ALDH1A1: variants seen among roughly 807,000 people sequenced by gnomAD.
ALDH1A1 encodes aldehyde dehydrogenase 1A1.
In ALDH1A1, 19 loss-of-function variants were observed where a neutral mutation model predicts 62.1. The ratio of observed to expected loss-of-function variants is 0.31; its 90% confidence interval spans 0.21 to 0.45. ALDH1A1 has a LOEUF of 0.45. Ranked by LOEUF, ALDH1A1 falls within the 20% of genes least tolerant of loss-of-function variation. ALDH1A1 has a pLI of 1.00. For missense variants in ALDH1A1, 521 were observed against 607.1 expected (o/e 0.86, Z 1.49); for synonymous variants, 231 against 215.9 (o/e 1.07, Z -0.61).
rs776954405 is a variant in ALDH1A1, at chr9:72,905,949, T to A, written c.1433+9A>T. Reference sequence around the variant, plus strand: ...ATAAATATTTATCTTAATAGAACGTTAATCTTACAGTTCTCTTCCATTTCC... The same window carrying A: ...ATAAATATTTATCTTAATAGAACGTAAATCTTACAGTTCTCTTCCATTTCC... On this transcript the variant is annotated intron_variant, in intron 12 of 12. Coordinates refer to ENST00000297785, the MANE Select transcript of ALDH1A1 (RefSeq NM_000689.5). 6.3e-7 allele frequency: 1 copy of A among 1,593,244 alleles called. No individual in the cohort carries two copies. Among genetic ancestry groups the A allele is most frequent in the Admixed American group, 1.7e-5 (1 of 59,292 alleles).
chr9:72,952,303 C>T (rs978550421), intron 1 of ALDH1A1, among the ~76,000 whole-genome samples: 4 of 151,976 alleles, frequency 2.6e-5, no homozygotes, highest in African/African-American at 7.2e-5. Flanking sequence ...AAGTCTGGAT[C>T]TAGCTCCTGC....
Position 72,930,894 on chromosome 9 carries a change from A to T in ALDH1A1, c.297T>A (p.Asp99Glu). Residue 99 changes from aspartate (D) to glutamate (E), a missense_variant, in exon 3 of 13, where the codon GAT (aspartate) becomes GAA (glutamate). Transcript: ENST00000297785. ...TAATACTCACCGCCAGCAGCAGACG[A>T]TCTCTTTCGATTAAATCAGCCAACT... is the stretch of plus-strand genomic sequence containing the variant. The part of the protein sequence containing the change: ...LYKLADLIER[D>E]RLLLATMESM... 1 of 1,613,998 alleles carries T rather than the reference A, an allele frequency of 6.2e-7. No individual in the cohort carries two copies. Among genetic ancestry groups the T allele is most frequent in the Non-Finnish European group, 8.5e-7 (1 of 1,179,942 alleles).
At chr9:72,908,552 GAAGAAAGAAAGAAAGAA>G (rs1829919869) in intron 11 of ALDH1A1, among the ~76,000 whole-genome samples, 1 of 91,850 alleles carries the variant, frequency 1.1e-5, no homozygotes, top group Non-Finnish European at 2.0e-5. Context: ...AGAAAAGAAA[GAAGAAAGAAAGAAAGAA>G]AGAAAGAAAG....
intron 1 of ALDH1A1, among the ~76,000 whole-genome samples, chr9:72,948,554 T>A (rs926529958): frequency 6.6e-6 from 1 of 151,948 alleles, no homozygotes; most frequent in East Asian, 1.9e-4. Flanking sequence ...TCTTCCCTAC[T>A]CTTGGCCACC....
intron 1 of ALDH1A1, among the ~76,000 whole-genome samples, chr9:72,948,325 T>A (rs1056006801): frequency 6.6e-6 from 1 of 151,966 alleles, no homozygotes; most frequent in Non-Finnish European, 1.5e-5. Flanking sequence ...CAATCAGCTT[T>A]GCGTTGAACA....
chr9:72,934,670 A>G (rs1196262250), intron 2 of ALDH1A1, among the ~76,000 whole-genome samples: 1 of 152,172 alleles, frequency 6.6e-6, no homozygotes, highest in Non-Finnish European at 1.5e-5. Context: ...CAATCTACCT[A>G]AAACCTTGCC....
chr9:72,950,460 GC>G (rs1830531015), intron 1 of ALDH1A1, among the ~76,000 whole-genome samples: 1 of 151,746 alleles, frequency 6.6e-6, no homozygotes, highest in African/African-American at 2.4e-5. Flanking sequence ...AATTCCAAAA[GC>G]TTTTGTATAA....
chr9:72,920,857 A>T (rs1588136043), intron 7 of ALDH1A1, among the ~76,000 whole-genome samples: 1 of 152,244 alleles, frequency 6.6e-6, no homozygotes, highest in African/African-American at 2.4e-5. Flanking sequence ...GTATTCCATG[A>T]TACTGTGGCA....
intron 2 of ALDH1A1, 41 bp downstream of exon 2, chr9:72,940,107 A>C (rs1252114954): frequency 6.7e-7 from 1 of 1,502,670 alleles, no homozygotes; most frequent in African/African-American, 1.4e-5. Flanking sequence ...CAAAAAACCA[A>C]GAAACCTGGC....
intron 2 of ALDH1A1, among the ~76,000 whole-genome samples, chr9:72,933,616 A>G (rs1264069624): frequency 1.9e-4 from 13 of 67,836 alleles, no homozygotes; most frequent in Non-Finnish European, 5.9e-5. Context: ...AAAAAAAAGA[A>G]AAAGCAAGAC....
intron 8 of ALDH1A1, 74 bp from the exon 9 acceptor site, chr9:72,917,178 A>G: frequency 8.5e-7 from 1 of 1,174,518 alleles, no homozygotes; most frequent in Non-Finnish European, 1.1e-6. Context: ...CAGAGGCAAC[A>G]TGGAGATAAA....
intron 2 of ALDH1A1, among the ~76,000 whole-genome samples, chr9:72,939,936 C>T (rs924913945): frequency 6.6e-6 from 1 of 151,224 alleles, no homozygotes; most frequent in Non-Finnish European, 1.5e-5. Context: ...ATCACCATGA[C>T]ACCCAGAAGC....
At chr9:72,902,562 ATATTTTAATAAG>A (rs1437590629) in intron 12 of ALDH1A1, among the ~76,000 whole-genome samples, 1 of 152,026 alleles carries the variant, frequency 6.6e-6, no homozygotes, top group Non-Finnish European at 1.5e-5. Context: ...TTAAAAGATA[ATATTTTAATAAG>A]TATTTTATCT....
At chr9:72,901,671 T>C (rs1417725605) in intron 12 of ALDH1A1, among the ~76,000 whole-genome samples, 3 of 152,058 alleles carry the variant, frequency 2.0e-5, no homozygotes, top group African/African-American at 7.2e-5. Flanking sequence ...AAGAATTTTG[T>C]CATTTCTAGT....
intron 5 of ALDH1A1, 152 bp from the exon 6 acceptor site, chr9:72,925,764 A>C: frequency 1.2e-6 from 1 of 844,676 alleles, no homozygotes; most frequent in Non-Finnish European, 1.7e-6. Flanking sequence ...TGCTAAAAGC[A>C]ACTAGTAAAT....
chr9:72,950,431 C>A (rs1391679793), intron 1 of ALDH1A1, among the ~76,000 whole-genome samples: 11 of 151,666 alleles, frequency 7.3e-5, no homozygotes, highest in Non-Finnish European at 1.2e-4. Flanking sequence ...GAATTTATAG[C>A]GATGTTTTTG....
At chr9:72,949,962 A>T (rs769615488) in intron 1 of ALDH1A1, among the ~76,000 whole-genome samples, 1 of 151,878 alleles carries the variant, frequency 6.6e-6, no homozygotes, top group Non-Finnish European at 1.5e-5. Context: ...AGACCCTTGG[A>T]ACTTCACTCT....
intron 2 of ALDH1A1, among the ~76,000 whole-genome samples, chr9:72,936,837 C>T (rs951250603): frequency 6.6e-5 from 10 of 152,094 alleles, no homozygotes; most frequent in East Asian, 1.9e-4. Context: ...TAAATGTTAA[C>T]GCTTGAGAGG....
At chr9:72,910,424 A>C (rs1829968105) in intron 10 of ALDH1A1, among the ~76,000 whole-genome samples, 1 of 152,110 alleles carries the variant, frequency 6.6e-6, no homozygotes, top group Admixed American at 6.6e-5. Flanking sequence ...TACATTCTAA[A>C]CCATCCTATT....
Sources: allele counts gnomAD v4.1 joint callset (sites outside exome capture counted in the v4.1 genomes callset), GRCh38; gene constraint gnomAD v4.1.1; transcripts MANE v1.5; gene names NCBI Gene and HGNC (gene_info 2026-07-23, HGNC 2026-07-21).